Variants in TYW5 observed in about 807,000 individuals in gnomAD.
TYW5 encodes the protein tRNA wybutosine-synthesizing protein 5.
TYW5 carries 36 observed loss-of-function variants against 44.4 expected under a neutral mutation model. The observed-to-expected ratio is 0.81, with a 90% CI of 0.62 to 1.07. The LOEUF (loss-of-function observed/expected upper bound fraction) is 1.07. Ranked by LOEUF, TYW5 falls within the 50% of genes least tolerant of loss-of-function variation. TYW5 has a pLI of 0.00. For missense variants in TYW5, 354 were observed against 365.7 expected (o/e 0.97, Z 0.26); for synonymous variants, 121 against 128.1 (o/e 0.94, Z 0.37).
Position 199,932,970 on chromosome 2 carries a change from T to TGTAA in TYW5, c.*93_*96dup, listed in dbSNP as rs1241764707. On this transcript the variant is annotated 3_prime_UTR_variant, in exon 8 of 8. Coordinates refer to ENST00000354611, the MANE Select transcript of TYW5 (RefSeq NM_001039693.3). ...AACACCCCTTCGTACTTACATAATCTGTAAATCTGATGTATCTTTCCTATT... is the reference window on the plus strand; with the variant it reads ...AACACCCCTTCGTACTTACATAATCTGTAAGTAAATCTGATGTATCTTTCCTATT... 25 of 1,400,976 alleles carry TGTAA rather than the reference T, an allele frequency of 1.8e-5. No individual in the cohort carries two copies. Among genetic ancestry groups the TGTAA allele is most frequent in the Middle Eastern group, 3.7e-4 (2 of 5,416 alleles). The allele number at this position is 1,400,976 out of a possible 1,614,324, so 86.8% of individuals were successfully genotyped here. A position where few individuals can be genotyped will look rare whatever the true frequency, so the allele number is the denominator to read the frequency against.
chr2:199,948,582 A>G, intron 1 of TYW5, 110 bp from the exon 2 acceptor site: 1 of 1,047,504 alleles, frequency 9.5e-7, no homozygotes. Context: ...TCTTGCTCCC[A>G]AGATGCTTGA....
At chr2:199,948,586 T>C (rs940144660) in intron 1 of TYW5, 114 bp from the exon 2 acceptor site, 4 of 1,006,290 alleles carry the variant, frequency 4.0e-6, no homozygotes, top group South Asian at 3.1e-5. Context: ...GCTCCCAAGA[T>C]GCTTGAACTC....
chr2:199,940,809 T>A (rs191516253), intron 3 of TYW5, among the ~76,000 whole-genome samples: 23 of 152,246 alleles, frequency 1.5e-4, no homozygotes, highest in Admixed American at 1.3e-3. Flanking sequence ...TTCCAAATTA[T>A]TTAGACTCTT....
In TYW5 at chr2:199,932,914, A is replaced by G; in HGVS notation, c.*153T>C. The G allele has an allele frequency of 1.1e-6, 1 of 872,882 alleles. No homozygotes were observed. Among genetic ancestry groups the G allele is most frequent in the Non-Finnish European group, 1.7e-6 (1 of 588,970 alleles). The allele number at this position is 872,882 out of a possible 1,614,324, so 54.1% of individuals were successfully genotyped here. The stretch of plus-strand genomic sequence containing the variant: ...GGTCCCAGCACAGCATTCTTTAATT[A>G]TAACAATCTGTATCAAGTAGAATCC... On this transcript the variant is annotated 3_prime_UTR_variant, in exon 8 of 8. Transcript: ENST00000354611.
Position 199,955,461 on chromosome 2 carries a change from G to T in TYW5, c.10C>A (p.Gln4Lys). The T allele has an allele frequency of 6.2e-7, 1 of 1,613,728 alleles. No individual in the cohort carries two copies. ...TCCAGCCGGGGTACCGGGAGGTGCT[G>T]CCCGGCCATGGTTGCTCACGCCTGC... MAGQHLPVPRLEGV... is the reference protein window; with the variant it reads MAGKHLPVPRLEGV... The change falls in exon 1 of 8, where the codon CAG becomes AAG. Residue 4 changes from glutamine (Q) to lysine (K), a missense_variant. Gln to Lys is a moderately conservative substitution (Grantham distance 53). Transcript: ENST00000354611.
chr2:199,943,078 A>G (rs1307185599), intron 3 of TYW5: 1 of 152,042 alleles, frequency 6.6e-6, no homozygotes, highest in African/African-American at 2.4e-5. Context: ...CTGGTCTCGA[A>G]CTCCCGATCT....
At position 199,929,635 on chromosome 2, in the gene TYW5, G is replaced by A. The variant is rs1430287755; in HGVS notation, c.*3432C>T. Reference sequence around the variant, plus strand: ...GGTGATAGAAAAGCCGCCTTACTAAGGTTCTTTCCAAATGTTCACATAGCT... The same window carrying A: ...GGTGATAGAAAAGCCGCCTTACTAAAGTTCTTTCCAAATGTTCACATAGCT... On this transcript the variant is annotated 3_prime_UTR_variant, in exon 8 of 8. Coordinates refer to ENST00000354611, the MANE Select transcript of TYW5 (RefSeq NM_001039693.3). Among the ~76,000 whole-genome samples, 2 of 150,888 alleles carry A rather than the reference G, an allele frequency of 1.3e-5. No homozygotes were observed. Among genetic ancestry groups the A allele is most frequent in the Non-Finnish European group, 2.9e-5 (2 of 67,864 alleles).
At chr2:199,940,635 A>G (rs2105698933) in intron 3 of TYW5, among the ~76,000 whole-genome samples, 1 of 152,140 alleles carries the variant, frequency 6.6e-6, no homozygotes, top group Non-Finnish European at 1.5e-5. Flanking sequence ...AAAAAAGTTC[A>G]GTTCTCTTAC....
chr2:199,954,290 CG>C (rs2077575000), intron 1 of TYW5, among the ~76,000 whole-genome samples: 1 of 151,026 alleles, frequency 6.6e-6, no homozygotes, highest in Admixed American at 6.6e-5. Flanking sequence ...TTTGTACAGA[CG>C]GGGATTCACC....
chr2:199,933,107 AG>A lies in TYW5; in HGVS notation c.907del (p.Leu303TyrfsTer15), dbSNP rs753823950. 6.2e-7 allele frequency: 1 copy of A among 1,614,190 alleles called. No homozygotes were observed. The highest frequency in any genetic ancestry group is 8.5e-7 in the Non-Finnish European group (1 of 1,180,006). ...YRDFYARRMV[L>X]HIQDKAYSKN... is the part of the protein sequence containing the mutation. The stretch of plus-strand genomic sequence containing the variant: ...GCTGTAGGCTTTGTCTTGAATGTGT[AG>A]GACCATTCGTCGTGCATAGAAGTCC... On this transcript the variant is annotated frameshift_variant, in exon 8 of 8. Transcript: ENST00000354611. LOFTEE classifies it high-confidence loss of function.
intron 1 of TYW5, 98 bp downstream of exon 1, chr2:199,955,295 A>G: frequency 7.2e-7 from 1 of 1,395,138 alleles, no homozygotes; most frequent in South Asian, 1.3e-5. Flanking sequence ...CCTCTTTCCC[A>G]CACCCTGGGT....
intron 5 of TYW5, among the ~76,000 whole-genome samples, chr2:199,937,897 A>C (rs2077433421): frequency 6.8e-6 from 1 of 147,648 alleles, no homozygotes; most frequent in Non-Finnish European, 1.5e-5. Flanking sequence ...TAGAACTTAA[A>C]AATTTTTTTT....
At chr2:199,945,280 T>G (rs892053016) in intron 2 of TYW5, 1 of 152,200 alleles carries the variant, frequency 6.6e-6, no homozygotes, top group African/African-American at 2.4e-5. Flanking sequence ...AAGACTCCAC[T>G]GATACTACCC....
At position 199,938,940 on chromosome 2, in the gene TYW5, T is replaced by C; in HGVS notation, c.479A>G (p.His160Arg). Residue 160 changes from histidine (H) to arginine (R), a missense_variant, in exon 5 of 8, where the codon CAT becomes CGT. Transcript: ENST00000354611. ...CTCATTTATGTAGCATACATCATAA[T>C]GAGTCCATAGTTGTAATCCTGGTGA... is the stretch of plus-strand genomic sequence containing the variant. ...ISSPGLQLWT[H>R]YDVMDNLLIQ... 2 of 1,604,766 alleles carry C rather than the reference T, an allele frequency of 1.2e-6. No individual in the cohort carries two copies. The highest frequency in any genetic ancestry group is 1.3e-5 in the African/African-American group (1 of 74,272).
chr2:199,930,988 G>C lies in TYW5; in HGVS notation c.*2079C>G, dbSNP rs1422360006. ...AAACATCTCATTTGGTCTTAACCCAGTAGGAAGAAAAGATTAAAATATTTT... is the reference window on the plus strand; with the variant it reads ...AAACATCTCATTTGGTCTTAACCCACTAGGAAGAAAAGATTAAAATATTTT... On this transcript the variant is annotated 3_prime_UTR_variant, in exon 8 of 8. Transcript: ENST00000354611. The C allele has an allele frequency of 1.3e-5, 2 of 152,160 alleles. No individual in the cohort carries two copies. The highest frequency in any genetic ancestry group is 2.9e-5 in the Non-Finnish European group (2 of 68,020). 9.4% of individuals were successfully genotyped at this position (152,160 alleles called of 1,614,324 possible). A position where few individuals can be genotyped will look rare whatever the true frequency, so the allele number is the denominator to read the frequency against.
intron 2 of TYW5, chr2:199,946,086 T>C (rs900131824): frequency 3.4e-4 from 51 of 152,222 alleles, no homozygotes; most frequent in African/African-American, 1.1e-3. Context: ...AGCTATGTGA[T>C]CCTGGAGAAG....
chr2:199,932,938 C>T lies in TYW5; in HGVS notation c.*129G>A. On this transcript the variant is annotated 3_prime_UTR_variant, in exon 8 of 8. Coordinates refer to ENST00000354611, the MANE Select transcript of TYW5 (RefSeq NM_001039693.3). ...TATAACAATCTGTATCAAGTAGAAT[C>T]CACACAAACACCCCTTCGTACTTAC... The T allele has an allele frequency of 9.5e-7, 1 of 1,049,006 alleles. No homozygotes were observed. Among genetic ancestry groups the T allele is most frequent in the South Asian group, 1.7e-5 (1 of 60,058 alleles). The allele number at this position is 1,049,006 out of a possible 1,614,324, so 65.0% of individuals were successfully genotyped here. A position where few individuals can be genotyped will look rare whatever the true frequency, so the allele number is the denominator to read the frequency against.
intron 7 of TYW5, 147 bp downstream of exon 7, chr2:199,935,784 A>G: frequency 1.6e-6 from 1 of 615,654 alleles, no homozygotes; most frequent in Non-Finnish European, 2.9e-6. Context: ...ACACGCACAC[A>G]CAGAGTTTTG....
chr2:199,933,828 T>G (rs980957127), intron 7 of TYW5, among the ~76,000 whole-genome samples: 1 of 152,218 alleles, frequency 6.6e-6, no homozygotes, highest in Non-Finnish European at 1.5e-5. Context: ...CATTATAGCC[T>G]CCTCGTTTTA....
Sources: gnomAD v4.1 joint callset for allele counts (sites outside exome capture counted in the v4.1 genomes callset) on GRCh38, gnomAD v4.1.1 for gene constraint, MANE v1.5 for transcripts, NCBI Gene and HGNC (gene_info 2026-07-23, HGNC 2026-07-21) for gene names.